The following PROM2 variants were observed in gnomAD, a reference collection of about 807,000 sequenced individuals.
The protein encoded by PROM2 is prominin-2.
PROM2 carries 90 observed loss-of-function variants against 110.2 expected under a neutral mutation model. The observed-to-expected ratio is 0.82, with a 90% CI of 0.69 to 0.97. PROM2 has a LOEUF of 0.97. Among genes scored for constraint, PROM2 ranks in the 50% least tolerant of loss-of-function variants. The pLI, the probability that PROM2 is intolerant of heterozygous loss-of-function variation, is 0.00. For missense variants in PROM2, 1,009 were observed against 1,074.8 expected (o/e 0.94, Z 0.86); for synonymous variants, 470 against 467.8 (o/e 1.00, Z -0.06).
chr2:95,279,878 C>G lies in PROM2; in HGVS notation c.1308C>G (p.Val436=). The change falls in exon 11 of 24, where the codon GTC becomes GTG. Residue 436 remains valine (V), a synonymous_variant. Transcript: ENST00000317620. ...WIVGCVLCSV[V]LFVVLCNLLG... ...TGGGCTGCGTGCTGTGCTCCGTGGT[C>G]CTATTCGTGGTGCTCTGCAACCTGC... 6.5e-7 allele frequency: 1 copy of G among 1,543,122 alleles called. No individual in the cohort carries two copies. Among genetic ancestry groups the G allele is most frequent in the Non-Finnish European group, 8.8e-7 (1 of 1,142,054 alleles).
rs1311932289 is a variant in PROM2 at position 95,277,061 on chromosome 2, G to A, written c.772G>A (p.Val258Ile). Residue 258 changes from valine to isoleucine, a missense_variant and splice_region_variant, in exon 6 of 24, where the codon GTC becomes ATC. Transcript: ENST00000317620. ...LLAAVGSLGQ[V>I]LQVSVHHLQT... ...GGCGGCCGTGGGCAGTTTGGGCCAG[G>A]GTGAGCTGGAGCCGCATCCTGGATA... is the stretch of plus-strand genomic sequence containing the variant. The A allele has an allele frequency of 6.4e-7, 1 of 1,550,818 alleles. No homozygotes were observed. Among genetic ancestry groups the A allele is most frequent in the Non-Finnish European group, 8.7e-7 (1 of 1,146,660 alleles).
chr2:95,287,198 C>T lies in PROM2; in HGVS notation c.2160C>T (p.Ala720=). ...AAGGAGAGCTGCCTGCCTGGGCAGC[C>T]AGGATCCTGAGGAATGTGAGTGGTG... ...YLKGELPAWA[A]RILRNVSECF... Residue 720 remains alanine (A), a synonymous_variant, in exon 19 of 24, where the codon GCC becomes GCT. Coordinates refer to ENST00000317620, the MANE Select transcript of PROM2 (RefSeq NM_001165978.3). 1.2e-6 allele frequency: 2 copies of T among 1,613,810 alleles called. No homozygotes were observed. Among genetic ancestry groups the T allele is most frequent in the Non-Finnish European group, 1.7e-6 (2 of 1,179,910 alleles).
intron 9 of PROM2, 92 bp downstream of exon 9, chr2:95,278,876 G>C (rs1236265914): frequency 6.2e-7 from 1 of 1,605,218 alleles, no homozygotes; most frequent in Non-Finnish European, 8.5e-7. Flanking sequence ...TGGGGTGGCG[G>C]GGGACTGTCT....
intron 13 of PROM2, 37 bp downstream of exon 13, chr2:95,282,053 A>G (rs758417626): frequency 6.2e-7 from 1 of 1,610,632 alleles, no homozygotes; most frequent in South Asian, 1.1e-5. Context: ...GGACCGGGGA[A>G]GGAAGGAGGA....
Position 95,276,153 on chromosome 2 carries a change from C to A in PROM2, c.497+21C>A. 1 of 1,611,946 alleles carries A rather than the reference C, an allele frequency of 6.2e-7. No individual in the cohort carries two copies. The highest frequency in any genetic ancestry group is 2.2e-5 in the East Asian group (1 of 44,846). On this transcript the variant is annotated intron_variant, in intron 3 of 23. Transcript: ENST00000317620. This position sits in a 1 kb window ranked among gnomAD's most constrained non-coding sequence, Gnocchi z 4.6. Reference sequence around the variant, plus strand: ...CTGCTGTAAGGCGCTGCCCAGGGCCCGGGTAGGGCGGGCTGTGGCCCCCAG... The same window carrying A: ...CTGCTGTAAGGCGCTGCCCAGGGCCAGGGTAGGGCGGGCTGTGGCCCCCAG...
Position 95,285,039 on chromosome 2 carries a change from C to T in PROM2, c.1799C>T (p.Ser600Leu). The change falls in exon 15 of 24, where the codon TCA (serine) becomes TTA (leucine). Residue 600 changes from serine (S) to leucine (L), a missense_variant. Physicochemically the swap from Ser to Leu is moderately radical, Grantham distance 145 (BLOSUM62 -2). Transcript: ENST00000317620. ...ACACAGAGCCTGGACCTGCTGAGCT[C>T]AGCCGCCCGCCGGGACCTGGAGGCC... ...VDTQSLDLLS[S>L]AARRDLEALQ... 1.3e-6 allele frequency: 2 copies of T among 1,597,384 alleles called. No individual in the cohort carries two copies. The highest frequency in any genetic ancestry group is 8.5e-7 in the Non-Finnish European group (1 of 1,171,600).
In PROM2 at chr2:95,275,450, C is replaced by T; in HGVS notation, c.245-11C>T. On this transcript the variant is annotated splice_polypyrimidine_tract_variant and intron_variant, in intron 1 of 23. Coordinates refer to ENST00000317620, the MANE Select transcript of PROM2 (RefSeq NM_001165978.3). This position sits in a 1 kb window ranked among gnomAD's most constrained non-coding sequence, Gnocchi z 4.4. ...CTGTCCCCAAATCCTCAGCTTGGCT[C>T]TTTCCCATAGAGTTGGTAAAGGCCC... is the stretch of plus-strand genomic sequence containing the variant. 6.2e-7 allele frequency: 1 copy of T among 1,610,354 alleles called. No individual in the cohort carries two copies.
chr2:95,283,669 A>T (rs903002650), intron 14 of PROM2, among the ~76,000 whole-genome samples: 9 of 152,192 alleles, frequency 5.9e-5, no homozygotes, highest in African/African-American at 1.9e-4. Flanking sequence ...CTCCACTCTG[A>T]CCTCAGTTTC....
intron 10 of PROM2, 124 bp from the exon 11 acceptor site, chr2:95,279,721 A>G (rs1676928348): frequency 8.4e-6 from 6 of 711,092 alleles, no homozygotes; most frequent in Non-Finnish European, 1.0e-5. Flanking sequence ...AAGAGTCTGT[A>G]TCTGCATTTC....
In PROM2 at chr2:95,279,104, C is replaced by T. The variant is rs771490375; in HGVS notation, c.1234C>T (p.Arg412Cys). 1.3e-4 allele frequency: 210 copies of T among 1,601,510 alleles called. No homozygotes were observed. In the Admixed American group the frequency reaches 3.0e-3, roughly 23 times the overall value. ...ACTGCAGGAGGTGGAGGAGAGCAGCCGCCCCTACCTGCAGGAGGTGCAGAG... is the reference window on the plus strand; with the variant it reads ...ACTGCAGGAGGTGGAGGAGAGCAGCTGCCCCTACCTGCAGGAGGTGCAGAG... Reference protein sequence around the residue: ...QALQEVEESSRPYLQEVQRYE... With the variant: ...QALQEVEESSCPYLQEVQRYE... Residue 412 changes from arginine (R) to cysteine (C), a missense_variant, in exon 10 of 24, where the codon CGC becomes TGC. Coordinates refer to ENST00000317620, the MANE Select transcript of PROM2 (RefSeq NM_001165978.3).
At chr2:95,286,062 C>G (rs1039094482) in intron 16 of PROM2, among the ~76,000 whole-genome samples, 1 of 152,224 alleles carries the variant, frequency 6.6e-6, no homozygotes, top group African/African-American at 2.4e-5. Flanking sequence ...TTTGCTGGGA[C>G]AGGTGCTGTG....
Position 95,278,591 on chromosome 2 carries a change from C to T in PROM2, c.1051-130C>T, listed in dbSNP as rs1314726076. On this transcript the variant is annotated intron_variant, in intron 8 of 23. Transcript: ENST00000317620. ...GCCAGGGGATGGGAGAGGAGGGCAG[C>T]GACCAAGAGAAAAGAGGGAAACTGG... The T allele has an allele frequency of 6.6e-5, 69 of 1,048,242 alleles. 1 individual carries two copies. The highest frequency in any genetic ancestry group is 6.2e-4 in the Admixed American group (34 of 54,956). 64.9% of individuals were successfully genotyped at this position (1,048,242 alleles called of 1,614,324 possible). A position where few individuals can be genotyped will look rare whatever the true frequency, so the allele number is the denominator to read the frequency against.
chr2:95,286,523 A>G lies in PROM2; in HGVS notation c.1992A>G (p.Gly664=), dbSNP rs772740609. The change falls in exon 17 of 24, where the codon GGA becomes GGG. Residue 664 remains glycine, a synonymous_variant. Coordinates refer to ENST00000317620, the MANE Select transcript of PROM2 (RefSeq NM_001165978.3). ...LGQRLQEEAQ[G]LRNLHQEKVV... Reference sequence around the variant, plus strand: ...AGCGGCTGCAGGAGGAGGCCCAAGGACTCAGAAACCTTCACCAGGAGAAGG... The same window carrying G: ...AGCGGCTGCAGGAGGAGGCCCAAGGGCTCAGAAACCTTCACCAGGAGAAGG... 21 of 1,613,600 alleles carry G rather than the reference A, an allele frequency of 1.3e-5. No homozygotes were observed. Among genetic ancestry groups the G allele is most frequent in the Non-Finnish European group, 1.8e-5 (21 of 1,179,894 alleles).
intron 14 of PROM2, 70 bp from the exon 15 acceptor site, chr2:95,284,899 T>C: frequency 4.0e-6 from 6 of 1,514,862 alleles, no homozygotes; most frequent in Non-Finnish European, 5.4e-6. Flanking sequence ...ACCCCTGTGC[T>C]TAGGGGAGCA....
chr2:95,276,308 C>T lies in PROM2; in HGVS notation c.579C>T (p.Thr193=), dbSNP rs373268716. The change falls in exon 4 of 24, where the codon ACC becomes ACT. Residue 193 remains threonine (T), a synonymous_variant. Transcript: ENST00000317620. This position sits in a 1 kb window ranked among gnomAD's most constrained non-coding sequence, Gnocchi z 4.6. ...CCAGCATCGAGGCCATGCCTGAGAC[C>T]CTGCTCAGCCTCTGGGGCCTGGTCT... The part of the protein sequence containing the change: ...MGPSIEAMPE[T]LLSLWGLVSD... 3 of 1,613,662 alleles carry T rather than the reference C, an allele frequency of 1.9e-6. No homozygotes were observed. Among genetic ancestry groups the T allele is most frequent in the Non-Finnish European group, 2.5e-6 (3 of 1,180,034 alleles).
At chr2:95,277,655 C>A in intron 7 of PROM2, 89 bp downstream of exon 7, 1 of 1,287,598 alleles carries the variant, frequency 7.8e-7, no homozygotes, top group Non-Finnish European at 1.0e-6. Flanking sequence ...GTCCCCTTGC[C>A]CCAATGTTCC....
Position 95,285,113 on chromosome 2 carries a change from C to G in PROM2, c.1873C>G (p.Gln625Glu). The change falls in exon 15 of 24, where the codon CAG becomes GAG. Residue 625 changes from glutamine (Q) to glutamate (E), a missense_variant and splice_region_variant. By Grantham distance (29) the Gln-to-Glu change is conservative. Transcript: ENST00000317620. ...QRIHYPDFLV[Q>E]IQRPVVKTSM... is the part of the protein sequence containing the mutation. ...CATCCACTACCCCGACTTCCTCGTTCAGGTCAGCGGTGGGCACCTCAGCAG... is the reference window on the plus strand; with the variant it reads ...CATCCACTACCCCGACTTCCTCGTTGAGGTCAGCGGTGGGCACCTCAGCAG... 6.4e-7 allele frequency: 1 copy of G among 1,569,726 alleles called. No homozygotes were observed. Among genetic ancestry groups the G allele is most frequent in the East Asian group, 2.3e-5 (1 of 42,680 alleles).
At chr2:95,289,069 G>A in intron 23 of PROM2, 63 bp downstream of exon 23, 1 of 1,341,082 alleles carries the variant, frequency 7.5e-7, no homozygotes, top group Non-Finnish European at 1.1e-6. Flanking sequence ...GGGTGGGGAG[G>A]GGCTGGGGTC....
In PROM2 at chr2:95,279,098, A is replaced by G; in HGVS notation, c.1228A>G (p.Ser410Gly). The change falls in exon 10 of 24, where the codon AGC becomes GGC. Residue 410 changes from serine (S) to glycine (G), a missense_variant. Physicochemically the swap from Ser to Gly is moderately conservative, Grantham distance 56. Transcript: ENST00000317620. ...CCAGGCACTGCAGGAGGTGGAGGAG[A>G]GCAGCCGCCCCTACCTGCAGGAGGT... ...WAQALQEVEE[S>G]SRPYLQEVQR... 2 of 1,454,120 alleles carry G rather than the reference A, an allele frequency of 1.4e-6. No individual in the cohort carries two copies. The highest frequency in any genetic ancestry group is 1.1e-5 in the South Asian group (1 of 88,438). The allele number at this position is 1,454,120 out of a possible 1,614,324, so 90.1% of individuals were successfully genotyped here.
Sources: gnomAD v4.1 joint callset for allele counts (sites outside exome capture counted in the v4.1 genomes callset) on GRCh38, gnomAD v4.1.1 for gene constraint, Gnocchi (gnomAD v3.1) non-coding constraint, MANE v1.5 for transcripts, NCBI Gene and HGNC (gene_info 2026-07-23, HGNC 2026-07-21) for gene names.